Variants in HS3ST2 observed in about 807,000 individuals in gnomAD.
HS3ST2 encodes heparan sulfate-glucosamine 3-sulfotransferase 2.
HS3ST2 carries 17 observed loss-of-function variants against 26.3 expected under a neutral mutation model. The observed-to-expected ratio is 0.65, with a 90% CI of 0.44 to 0.97. The LOEUF is 0.97. Among genes scored for constraint, HS3ST2 ranks in the 50% least tolerant of loss-of-function variants. The pLI is 0.00. For synonymous variants in HS3ST2, 237 were observed against 219.2 expected (o/e 1.08, Z -0.72); for missense variants, 402 against 501.2 (o/e 0.80, Z 1.89).
At chr16:22,853,513 A>T (rs1831509083) in intron 1 of HS3ST2, among the ~76,000 whole-genome samples, 1 of 152,170 alleles carries the variant, frequency 6.6e-6, no homozygotes, top group Non-Finnish European at 1.5e-5. Flanking sequence ...GGGAACTTGA[A>T]CATAGGCATC....
In HS3ST2 at chr16:22,814,688, C is replaced by T. The variant is rs771269280; in HGVS notation, c.78C>T (p.Leu26=). The change falls in exon 1 of 2, where the codon CTC becomes CTT. Residue 26 remains leucine, a synonymous_variant. Coordinates refer to ENST00000261374, the MANE Select transcript of HS3ST2 (RefSeq NM_006043.2). ...RARRLLFAFT[L]SLSCTYLCYS... is the part of the protein sequence containing the mutation. ...GCAGGCTGCTCTTCGCCTTCACGCT[C>T]TCGCTCTCCTGCACTTACCTGTGTT... The T allele has an allele frequency of 4.4e-6, 7 of 1,603,752 alleles. No homozygotes were observed. In the Admixed American group the frequency reaches 1.2e-4, roughly 27 times the overall value.
At chr16:22,853,088 G>A (rs190988561) in intron 1 of HS3ST2, among the ~76,000 whole-genome samples, 2,110 of 152,138 alleles carry the variant, frequency 0.014, 26 homozygotes, top group Middle Eastern at 0.027. Context: ...AAATTGGAAT[G>A]GTACAGCTTG....
chr16:22,829,522 A>G (rs1254225222), intron 1 of HS3ST2, among the ~76,000 whole-genome samples: 1 of 152,166 alleles, frequency 6.6e-6, no homozygotes, highest in Non-Finnish European at 1.5e-5. Context: ...TTTTAAAGAA[A>G]GTGAACTCTC....
intron 1 of HS3ST2, among the ~76,000 whole-genome samples, chr16:22,877,718 G>A (rs978874360): frequency 6.6e-6 from 1 of 152,218 alleles, no homozygotes; most frequent in Non-Finnish European, 1.5e-5. Flanking sequence ...ACATTTATTA[G>A]CACCTGATAT....
chr16:22,843,233 T>C (rs1417721299), intron 1 of HS3ST2, among the ~76,000 whole-genome samples: 1 of 152,156 alleles, frequency 6.6e-6, no homozygotes, highest in African/African-American at 2.4e-5. Flanking sequence ...TGAGTGGCTC[T>C]ACATTTTGCT....
chr16:22,849,086 A>T (rs1596613446), intron 1 of HS3ST2, among the ~76,000 whole-genome samples: 1 of 152,176 alleles, frequency 6.6e-6, no homozygotes, highest in South Asian at 2.1e-4. Flanking sequence ...GCATCTAAGA[A>T]ACGGGAATGA....
chr16:22,814,345 C>A lies in HS3ST2; in HGVS notation c.-266C>A, dbSNP rs1406919582. ...CGTAAGAGCCTGGGAGCGCCCGAGC[C>A]GCCCGGCTGCCCGGAGCCCCATCGC... On this transcript the variant is annotated 5_prime_UTR_variant, in exon 1 of 2. Coordinates refer to ENST00000261374, the MANE Select transcript of HS3ST2 (RefSeq NM_006043.2). 3 of 386,816 alleles carry A rather than the reference C, an allele frequency of 7.8e-6. No individual in the cohort carries two copies. The East Asian group carries it at 1.2e-4, about 16-fold the overall frequency. 24.0% of individuals were successfully genotyped at this position (386,816 alleles called of 1,614,324 possible).
At chr16:22,847,894 GAGAA>G (rs1448651731) in intron 1 of HS3ST2, among the ~76,000 whole-genome samples, 2 of 150,914 alleles carry the variant, frequency 1.3e-5, no homozygotes, top group Non-Finnish European at 3.0e-5. Context: ...GGAAGAAAGA[GAGAA>G]AGACAAAGCA....
At chr16:22,884,570 G>A (rs1382565069) in intron 1 of HS3ST2, among the ~76,000 whole-genome samples, 1 of 151,256 alleles carries the variant, frequency 6.6e-6, no homozygotes, top group Admixed American at 6.6e-5. Flanking sequence ...TAGCTTCTGG[G>A]TTCAAACCTT....
intron 1 of HS3ST2, among the ~76,000 whole-genome samples, chr16:22,896,005 TCTTA>T: frequency 6.6e-6 from 1 of 151,244 alleles, no homozygotes; most frequent in East Asian, 1.9e-4. Context: ...AGAGAAAGGG[TCTTA>T]CTATGTTGCC....
intron 1 of HS3ST2, among the ~76,000 whole-genome samples, chr16:22,910,141 T>C (rs1295291540): frequency 6.6e-6 from 1 of 151,940 alleles, no homozygotes; most frequent in Non-Finnish European, 1.5e-5. Context: ...ACTTTGGAGA[T>C]CACTGGATTT....
chr16:22,908,326 G>C (rs566395106), intron 1 of HS3ST2, among the ~76,000 whole-genome samples: 3 of 152,084 alleles, frequency 2.0e-5, no homozygotes, highest in Admixed American at 2.0e-4. Context: ...TGGTGGACTC[G>C]GGAGATACAG....
In HS3ST2 at chr16:22,849,806, C is replaced by T. The variant is rs752787282; in HGVS notation, c.485+34711C>T. 6.6e-5 allele frequency among the ~76,000 whole-genome samples: 10 copies of T among 152,170 alleles called. No homozygotes were observed. In the East Asian group the frequency reaches 1.5e-3, roughly 23 times the overall value. On this transcript the variant is annotated intron_variant, in intron 1 of 1. Coordinates refer to ENST00000261374, the MANE Select transcript of HS3ST2 (RefSeq NM_006043.2). ...CTAATCTCTATTCTTGGCTTCTACT[C>T]GATAACCTCACAGCACCTAATTCAG...
At chr16:22,832,086 G>C (rs952585941) in intron 1 of HS3ST2, among the ~76,000 whole-genome samples, 2 of 151,470 alleles carry the variant, frequency 1.3e-5, no homozygotes. Flanking sequence ...AGGCTTAAGT[G>C]ATCCTCCCAC....
chr16:22,828,017 C>T (rs1901115417), intron 1 of HS3ST2, among the ~76,000 whole-genome samples: 2 of 152,076 alleles, frequency 1.3e-5, no homozygotes, highest in African/African-American at 4.8e-5. Flanking sequence ...CAAGTTCCTA[C>T]TAAGGACTTG....
At chr16:22,912,047 A>T (rs922073693) in intron 1 of HS3ST2, among the ~76,000 whole-genome samples, 4 of 152,134 alleles carry the variant, frequency 2.6e-5, no homozygotes, top group Non-Finnish European at 4.4e-5. Context: ...CACCTAAGCC[A>T]GGGGAGTTTG....
chr16:22,911,895 G>C (rs1902428367), intron 1 of HS3ST2, among the ~76,000 whole-genome samples: 1 of 152,212 alleles, frequency 6.6e-6, no homozygotes, highest in Non-Finnish European at 1.5e-5. Flanking sequence ...GCCAAGGCAG[G>C]TAGATCTCTT....
At chr16:22,849,283 A>G (rs889212957) in intron 1 of HS3ST2, among the ~76,000 whole-genome samples, 1 of 152,200 alleles carries the variant, frequency 6.6e-6, no homozygotes, top group African/African-American at 2.4e-5. Flanking sequence ...ACCTCTTTAA[A>G]GTAACTCAAT....
intron 1 of HS3ST2, among the ~76,000 whole-genome samples, chr16:22,903,614 G>A (rs142930181): frequency 7.3e-4 from 111 of 152,210 alleles, no homozygotes; most frequent in Non-Finnish European, 1.2e-3. Context: ...ATTCATTCCC[G>A]AGGCAAGTGT....
Sources: allele counts gnomAD v4.1 joint callset (sites outside exome capture counted in the v4.1 genomes callset), GRCh38; gene constraint gnomAD v4.1.1; transcripts MANE v1.5; gene names NCBI Gene and HGNC (gene_info 2026-07-23, HGNC 2026-07-21).